Variants in RANBP9 observed in about 807,000 individuals in gnomAD.
The protein encoded by RANBP9 is RAN binding protein 9.
A neutral mutation model predicts 84.3 loss-of-function variants in RANBP9; 15 were observed. The observed-to-expected ratio is 0.18, with a 90% CI of 0.12 to 0.27. The LOEUF (loss-of-function observed/expected upper bound fraction) is 0.27, where lower values mean the gene tolerates loss of function less well. Ranked by LOEUF, RANBP9 falls within the 10% of genes least tolerant of loss-of-function variation. The probability of loss-of-function intolerance (pLI) is 1.00; values close to 1 mark genes in which losing one functional copy is unlikely to be tolerated. For synonymous variants in RANBP9, 392 were observed against 349.6 expected (o/e 1.12, Z -1.35); for missense variants, 809 against 912.8 (o/e 0.89, Z 1.46).
At chr6:13,697,378 G>C (rs1373374007) in intron 1 of RANBP9, among the ~76,000 whole-genome samples, 1 of 152,050 alleles carries the variant, frequency 6.6e-6, no homozygotes, top group Non-Finnish European at 1.5e-5. Flanking sequence ...GATTGAATTG[G>C]CAAAACAGCT....
At chr6:13,660,311 C>G (rs960094820) in intron 2 of RANBP9, among the ~76,000 whole-genome samples, 1 of 152,160 alleles carries the variant, frequency 6.6e-6, no homozygotes, top group Non-Finnish European at 1.5e-5. Flanking sequence ...GAATTCAAGA[C>G]CAGCCTGGGC....
At chr6:13,653,813 G>A (rs977374559) in intron 4 of RANBP9, among the ~76,000 whole-genome samples, 15 of 151,980 alleles carry the variant, frequency 9.9e-5, no homozygotes, top group Non-Finnish European at 1.3e-4. Flanking sequence ...ATTCATGGTG[G>A]CTTGTTAAAA....
intron 5 of RANBP9, among the ~76,000 whole-genome samples, chr6:13,647,669 TGAA>T (rs1765202305): frequency 6.6e-6 from 1 of 152,194 alleles, no homozygotes; most frequent in African/African-American, 2.4e-5. Context: ...ACTGGGATTA[TGAA>T]GAACTTCTCT....
chr6:13,657,012 C>T lies in RANBP9; in HGVS notation c.904+97G>A. 18 of 1,154,134 alleles carry T rather than the reference C, an allele frequency of 1.6e-5. 1 individual carries two copies. In the South Asian group the frequency reaches 2.9e-4, roughly 19 times the overall value. 71.5% of individuals were successfully genotyped at this position (1,154,134 alleles called of 1,614,324 possible). A position where few individuals can be genotyped will look rare whatever the true frequency, so the allele number is the denominator to read the frequency against. ...AGAAACCATTTCCAGAGGCATCCAT[C>T]TATAAAGGAGAATCACATAATAAAT... On this transcript the variant is annotated intron_variant, in intron 4 of 13. Coordinates refer to ENST00000011619, the MANE Select transcript of RANBP9 (RefSeq NM_005493.3).
intron 2 of RANBP9, among the ~76,000 whole-genome samples, chr6:13,680,645 A>T (rs945796842): frequency 2.6e-5 from 4 of 151,982 alleles, no homozygotes; most frequent in African/African-American, 9.7e-5. Flanking sequence ...ACTCCCAGCT[A>T]CTCAGGAGGC....
In RANBP9 at chr6:13,711,221, C is replaced by CGCTGAG; in HGVS notation, c.279_284dup (p.Ser94_Ala95dup). The CGCTGAG allele has an allele frequency of 9.9e-7, 1 of 1,009,346 alleles. No individual in the cohort carries two copies. The allele number at this position is 1,009,346 out of a possible 1,614,324, so 62.5% of individuals were successfully genotyped here. ...CGGGCGGCCCGCTGGCGGGGGCAGCCGCTGAGGCAGGGGGAGGCGGGGGCG... is the reference window on the plus strand; with the variant it reads ...CGGGCGGCCCGCTGGCGGGGGCAGCCGCTGAGGCTGAGGCAGGGGGAGGCGGGGGCG... On this transcript the variant is annotated inframe_insertion, in exon 1 of 14. Coordinates refer to ENST00000011619, the MANE Select transcript of RANBP9 (RefSeq NM_005493.3).
intron 1 of RANBP9, 23 bp from the exon 2 acceptor site, chr6:13,696,919 A>C: frequency 1.9e-6 from 3 of 1,566,710 alleles, no homozygotes; most frequent in Non-Finnish European, 2.6e-6. Flanking sequence ...AGGAAGGAAA[A>C]AAGAAGTCAC....
At chr6:13,658,080 G>A (rs1562307813) in intron 3 of RANBP9, among the ~76,000 whole-genome samples, 1 of 152,074 alleles carries the variant, frequency 6.6e-6, no homozygotes, top group Non-Finnish European at 1.5e-5. Context: ...AACAGGTCTG[G>A]ATCTCAATTC....
chr6:13,639,797 G>C (rs1765020824), intron 8 of RANBP9, 44 bp from the exon 9 acceptor site: 1 of 1,474,198 alleles, frequency 6.8e-7, no homozygotes, highest in Non-Finnish European at 9.3e-7. Flanking sequence ...ATCTTCAAAT[G>C]GCCTTTTATT....
intron 13 of RANBP9, among the ~76,000 whole-genome samples, chr6:13,625,346 AATCTCTCATTCTAATGAG>A (rs922039263): frequency 3.9e-5 from 6 of 152,122 alleles, no homozygotes; most frequent in African/African-American, 1.4e-4. Context: ...AGGACCACCA[AATCTCTCATTCTAATGAG>A]AGAAGTAGAC....
At chr6:13,675,676 A>T (rs187555156) in intron 2 of RANBP9, among the ~76,000 whole-genome samples, 24 of 151,938 alleles carry the variant, frequency 1.6e-4, no homozygotes, top group Admixed American at 7.2e-4. Flanking sequence ...CAACAAAATT[A>T]AAAGCCAGTT....
At chr6:13,660,284 G>A (rs962964656) in intron 2 of RANBP9, among the ~76,000 whole-genome samples, 9 of 152,174 alleles carry the variant, frequency 5.9e-5, no homozygotes, top group African/African-American at 2.2e-4. Flanking sequence ...TGAAGCAGGA[G>A]GATCTTTTGA....
chr6:13,644,515 T>C (rs1200830338), intron 6 of RANBP9, 30 bp downstream of exon 6: 2 of 1,589,452 alleles, frequency 1.3e-6, no homozygotes, highest in African/African-American at 2.7e-5. Flanking sequence ...AGATTCTGAA[T>C]AGCATCAATT....
At chr6:13,649,467 A>G (rs1233190310) in intron 5 of RANBP9, among the ~76,000 whole-genome samples, 3 of 147,812 alleles carry the variant, frequency 2.0e-5, no homozygotes, top group African/African-American at 5.2e-5. Flanking sequence ...AACAGAAAAA[A>G]AAAAAAAAAA....
In RANBP9 at chr6:13,632,537, A is replaced by G; in HGVS notation, c.1796-16T>C. 1.9e-6 allele frequency: 3 copies of G among 1,605,874 alleles called. No homozygotes were observed. The highest frequency in any genetic ancestry group is 2.6e-6 in the Non-Finnish European group (3 of 1,172,750). ...GAATCAACTTCTGTAAGAAAAACAG[A>G]CAAGTATTTTACTACCTTATGGAAT... On this transcript the variant is annotated splice_polypyrimidine_tract_variant and intron_variant, in intron 11 of 13. Transcript: ENST00000011619.
At chr6:13,699,633 C>A (rs184530809) in intron 1 of RANBP9, among the ~76,000 whole-genome samples, 5 of 152,190 alleles carry the variant, frequency 3.3e-5, no homozygotes, top group Admixed American at 6.5e-5. Context: ...GAGGCTGAGG[C>A]GGGCGATCAC....
intron 11 of RANBP9, chr6:13,632,786 G>T: frequency 3.7e-5 from 5 of 135,278 alleles, no homozygotes; most frequent in Non-Finnish European, 1.4e-5. Context: ...ACTTATGTCA[G>T]AAAAAAATTT....
At chr6:13,637,692 G>C in intron 10 of RANBP9, 116 bp downstream of exon 10, 1 of 1,068,878 alleles carries the variant, frequency 9.4e-7, no homozygotes. Context: ...GGGGGCTTAA[G>C]AACTCCCAGA....
At chr6:13,652,607 T>G in intron 5 of RANBP9, 52 bp downstream of exon 5, 2 of 1,494,024 alleles carry the variant, frequency 1.3e-6, no homozygotes, top group Non-Finnish European at 1.8e-6. Flanking sequence ...TATCAGTTTC[T>G]TTATACTTCC....
Sources: allele counts gnomAD v4.1 joint callset (sites outside exome capture counted in the v4.1 genomes callset), GRCh38; gene constraint gnomAD v4.1.1; transcripts MANE v1.5; gene names NCBI Gene and HGNC (gene_info 2026-07-23, HGNC 2026-07-21).